MGAT4C: variants seen among roughly 807,000 people sequenced by gnomAD.
MGAT4C encodes alpha-1,3-mannosyl-glycoprotein 4-beta-N-acetylglucosaminyltransferase C.
In MGAT4C, 19 loss-of-function variants were observed where a neutral mutation model predicts 40.1. The ratio of observed to expected loss-of-function variants is 0.47; its 90% CI spans 0.33 to 0.70. The LOEUF (loss-of-function observed/expected upper bound fraction) is 0.70. MGAT4C is among the 30% of genes least tolerant of loss of function. The pLI is 0.02. For synonymous variants in MGAT4C, 181 were observed against 187.1 expected (o/e 0.97, Z 0.27); for missense variants, 491 against 563.2 (o/e 0.87, Z 1.30).
chr12:86,089,319 C>T (rs1311707276), intron 1 of MGAT4C, among the ~76,000 whole-genome samples: 1 of 151,650 alleles, frequency 6.6e-6, no homozygotes, highest in Admixed American at 6.6e-5. Flanking sequence ...AAGATGTATC[C>T]TCTATCTGTT....
Position 86,601,899 on chromosome 12 carries a change from C to T in MGAT4C, c.-229+125310G>A, listed in dbSNP as rs377100629. 5.8e-4 allele frequency among the ~76,000 whole-genome samples: 88 copies of T among 152,282 alleles called. No individual in the cohort carries two copies. The South Asian group carries it at 0.017, about 30-fold the overall frequency. ...GTCCATGCCTTCAGGCTCTCTGACC[C>T]AGGGCTGTAACATGCTGTAATACCC... On this transcript the variant is annotated intron_variant, in intron 2 of 7. Transcript: ENST00000548651.
chr12:86,721,960 A>T (rs1235387180), intron 2 of MGAT4C, among the ~76,000 whole-genome samples: 2 of 152,192 alleles, frequency 1.3e-5, no homozygotes, highest in Non-Finnish European at 2.9e-5. Context: ...ATTCAATGAT[A>T]GAACTGTGGA....
At chr12:86,642,761 T>C (rs1264567260) in intron 2 of MGAT4C, among the ~76,000 whole-genome samples, 1 of 151,620 alleles carries the variant, frequency 6.6e-6, no homozygotes, top group East Asian at 1.9e-4. Flanking sequence ...TGAGAATATA[T>C]ATTTTTATGT....
At chr12:86,620,341 TCACACACACA>T (rs142544847) in intron 2 of MGAT4C, among the ~76,000 whole-genome samples, 1 of 149,826 alleles carries the variant, frequency 6.7e-6, no homozygotes, top group Admixed American at 6.7e-5. Flanking sequence ...AGATAAAATA[TCACACACACA>T]CACACACACA....
intron 2 of MGAT4C, among the ~76,000 whole-genome samples, chr12:86,539,836 T>C (rs2136383757): frequency 6.6e-6 from 1 of 152,364 alleles, no homozygotes; most frequent in South Asian, 2.1e-4. Context: ...GAAGTGTCTG[T>C]TCATATCCTT....
At chr12:86,021,146 T>C (rs1249442157) in intron 2 of MGAT4C, among the ~76,000 whole-genome samples, 3 of 152,114 alleles carry the variant, frequency 2.0e-5, no homozygotes, top group African/African-American at 4.8e-5. Context: ...GGTTGGACTG[T>C]AAACTAGTTC....
At chr12:86,131,549 AT>A (rs1353659030) in intron 1 of MGAT4C, among the ~76,000 whole-genome samples, 1 of 152,018 alleles carries the variant, frequency 6.6e-6, no homozygotes, top group Non-Finnish European at 1.5e-5. Flanking sequence ...TTTTGTATAA[AT>A]TTTTTATTTC....
At chr12:86,231,265 T>C (rs1951312278) in intron 1 of MGAT4C, among the ~76,000 whole-genome samples, 1 of 152,218 alleles carries the variant, frequency 6.6e-6, no homozygotes, top group African/African-American at 2.4e-5. Flanking sequence ...CAAAGCAATT[T>C]TTAAGCTAAA....
intron 2 of MGAT4C, among the ~76,000 whole-genome samples, chr12:86,666,427 A>AT (rs1964108224): frequency 6.6e-6 from 1 of 151,896 alleles, no homozygotes; most frequent in Non-Finnish European, 1.5e-5. Flanking sequence ...ATTAAAAAAA[A>AT]ATTCTATGTG....
intron 2 of MGAT4C, among the ~76,000 whole-genome samples, chr12:86,632,505 C>A (rs540798008): frequency 1.3e-5 from 2 of 152,118 alleles, no homozygotes; most frequent in East Asian, 3.9e-4. Context: ...TGGAACCAGC[C>A]CAAATGTCCA....
chr12:86,328,157 C>T (rs1200724924), intron 4 of MGAT4C, among the ~76,000 whole-genome samples: 2 of 151,982 alleles, frequency 1.3e-5, no homozygotes, highest in Non-Finnish European at 2.9e-5. Context: ...GTACCAATAC[C>T]AATAATGTAC....
chr12:86,122,507 CTAAGTTA>C (rs1184959090), intron 1 of MGAT4C, among the ~76,000 whole-genome samples: 1 of 152,058 alleles, frequency 6.6e-6, no homozygotes, highest in Non-Finnish European at 1.5e-5. Context: ...TTCATCTTAT[CTAAGTTA>C]TAACTAAATA....
At chr12:86,789,934 G>T (rs1015767045) in intron 1 of MGAT4C, among the ~76,000 whole-genome samples, 5 of 152,070 alleles carry the variant, frequency 3.3e-5, no homozygotes, top group Admixed American at 1.3e-4. Context: ...CTGTTAAGTT[G>T]CAGAATTTGG....
intron 2 of MGAT4C, among the ~76,000 whole-genome samples, chr12:86,480,644 G>T (rs2136312809): frequency 6.6e-6 from 1 of 150,998 alleles, no homozygotes; most frequent in South Asian, 2.1e-4. Flanking sequence ...AGTTAATGAT[G>T]TATAAACATA....
intron 3 of MGAT4C, among the ~76,000 whole-genome samples, chr12:86,339,435 A>T (rs1252776134): frequency 1.3e-5 from 2 of 152,194 alleles, no homozygotes; most frequent in Non-Finnish European, 2.9e-5. Context: ...TTTCAGATAG[A>T]TTTTAAAGAA....
chr12:86,229,039 C>T (rs1157899354), intron 1 of MGAT4C, among the ~76,000 whole-genome samples: 1 of 151,730 alleles, frequency 6.6e-6, no homozygotes, highest in East Asian at 1.9e-4. Flanking sequence ...TAAGATTTGG[C>T]TTCAGATACT....
At chr12:86,028,014 T>A in intron 2 of MGAT4C, 1 of 649,180 alleles carries the variant, frequency 1.5e-6, no homozygotes, top group Non-Finnish European at 2.3e-6. Flanking sequence ...GTATACATTC[T>A]CCAGGCTTTG....
chr12:86,344,866 A>G (rs576467378), intron 3 of MGAT4C, among the ~76,000 whole-genome samples: 1 of 152,106 alleles, frequency 6.6e-6, no homozygotes, highest in South Asian at 2.1e-4. Flanking sequence ...ATATTGACAT[A>G]TTTAATCCAT....
intron 2 of MGAT4C, among the ~76,000 whole-genome samples, chr12:85,994,532 T>C (rs1886378643): frequency 1.3e-5 from 2 of 151,900 alleles, no homozygotes; most frequent in Non-Finnish European, 2.9e-5. Context: ...TTAAAGAAGC[T>C]AATAAAGCCA....
Sources: gnomAD v4.1 joint callset for allele counts (sites outside exome capture counted in the v4.1 genomes callset) on GRCh38, gnomAD v4.1.1 for gene constraint, MANE v1.5 for transcripts, NCBI Gene and HGNC (gene_info 2026-07-23, HGNC 2026-07-21) for gene names.